The following NFATC1 variants were observed in gnomAD, a reference collection of about 807,000 sequenced individuals.
NFATC1 encodes the protein nuclear factor of activated T cells 1, also known as nuclear factor of activated T-cells, cytoplasmic 1.
NFATC1 carries 22 observed loss-of-function variants against 76.0 expected under a neutral mutation model. The observed-to-expected ratio is 0.29, with a 90% CI of 0.21 to 0.41. The LOEUF is 0.41. NFATC1 is among the 10% of genes least tolerant of loss of function. NFATC1 has a pLI of 1.00. For synonymous variants in NFATC1, 704 were observed against 613.1 expected (o/e 1.15, Z -2.19); for missense variants, 1,357 against 1,337.7 (o/e 1.01, Z -0.23).
intron 9 of NFATC1, among the ~76,000 whole-genome samples, chr18:79,488,205 A>G (rs1329428313): frequency 6.6e-6 from 1 of 151,386 alleles, no homozygotes; most frequent in Non-Finnish European, 1.5e-5. Flanking sequence ...ATGCATGCAA[A>G]TATTTTAGCC....
intron 8 of NFATC1, chr18:79,470,948 A>T (rs2088762254): frequency 6.6e-6 from 1 of 152,224 alleles, no homozygotes; most frequent in African/African-American, 2.4e-5. Flanking sequence ...AGAAGTTCCC[A>T]GCAGAATGTA....
chr18:79,454,168 T>C (rs1003408231), intron 6 of NFATC1, among the ~76,000 whole-genome samples: 2 of 152,136 alleles, frequency 1.3e-5, no homozygotes, highest in Non-Finnish European at 2.9e-5. Context: ...TGAAGTGGCT[T>C]CTCCAGGAAG....
chr18:79,507,368 G>A (rs983158593), intron 9 of NFATC1, among the ~76,000 whole-genome samples: 2 of 152,260 alleles, frequency 1.3e-5, no homozygotes, highest in African/African-American at 2.4e-5. Flanking sequence ...GGGGCCGGTG[G>A]AGCCATGCGA....
intron 3 of NFATC1, among the ~76,000 whole-genome samples, chr18:79,447,853 G>A (rs986499919): frequency 1.3e-5 from 2 of 152,242 alleles, no homozygotes; most frequent in Non-Finnish European, 2.9e-5. Context: ...GCGGAACCAC[G>A]CGTGGTGCAG....
chr18:79,401,211 C>G (rs911003040), intron 1 of NFATC1, among the ~76,000 whole-genome samples: 4 of 150,968 alleles, frequency 2.6e-5, no homozygotes, highest in African/African-American at 9.7e-5. Context: ...CCAGGCTGGT[C>G]ACCGTCCGCC....
chr18:79,399,065 T>C (rs1444175511), intron 1 of NFATC1, among the ~76,000 whole-genome samples: 1 of 152,264 alleles, frequency 6.6e-6, no homozygotes, highest in Non-Finnish European at 1.5e-5. Flanking sequence ...AGACTCCGTC[T>C]CAAACAAACA....
rs368951322 is a variant in NFATC1, at chr18:79,486,339, A to G, written c.2184A>G (p.Pro728=). Residue 728 remains proline, a synonymous_variant, in exon 9 of 10, where the codon CCA becomes CCG. Coordinates refer to ENST00000427363, the MANE Select transcript of NFATC1 (RefSeq NM_001278669.2). ...AGGGGTTAAGTCCTCTCCCAAGACCATACTACAGCCAGCAGCTCGCGATGC... is the reference window on the plus strand; with the variant it reads ...AGGGGTTAAGTCCTCTCCCAAGACCGTACTACAGCCAGCAGCTCGCGATGC... ...VSQGLSPLPR[P]YYSQQLAMPP... The G allele has an allele frequency of 6.2e-7, 1 of 1,612,976 alleles. No individual in the cohort carries two copies. The highest frequency in any genetic ancestry group is 8.5e-7 in the Non-Finnish European group (1 of 1,180,002).
At chr18:79,472,626 G>A (rs1007350897) in intron 8 of NFATC1, among the ~76,000 whole-genome samples, 1 of 152,166 alleles carries the variant, frequency 6.6e-6, no homozygotes, top group African/African-American at 2.4e-5. Flanking sequence ...AACACCTGTG[G>A]CCTCTTCCCC....
chr18:79,454,952 T>G (rs2144807313), intron 6 of NFATC1, among the ~76,000 whole-genome samples: 1 of 151,712 alleles, frequency 6.6e-6, no homozygotes, highest in South Asian at 2.1e-4. Context: ...GAGGCACCTC[T>G]CTGTACACGC....
intron 1 of NFATC1, among the ~76,000 whole-genome samples, chr18:79,408,227 C>T (rs745635411): frequency 2.6e-5 from 4 of 152,106 alleles, no homozygotes; most frequent in African/African-American, 7.2e-5. Context: ...CACGACTTAG[C>T]GGAAAGACAG....
chr18:79,472,758 T>C (rs2088837541), intron 8 of NFATC1, among the ~76,000 whole-genome samples: 1 of 152,174 alleles, frequency 6.6e-6, no homozygotes, highest in African/African-American at 2.4e-5. Flanking sequence ...TTCCCTCATC[T>C]GATCCTGCCA....
At position 79,396,289 on chromosome 18, in the gene NFATC1, G is replaced by A; in HGVS notation, c.65G>A (p.Gly22Glu). Residue 22 changes from glycine to glutamate, a missense_variant, in exon 1 of 10, where the codon GGG (glycine) becomes GAG (glutamate). By Grantham distance (98) the Gly-to-Glu change is moderately conservative. Coordinates refer to ENST00000427363, the MANE Select transcript of NFATC1 (RefSeq NM_001278669.2). The part of the protein sequence containing the change: ...FPLGPAAAVF[G>E]RGETLGPAPR... ...CTTGGCCCTGCGGCTGCGGTCTTCG[G>A]GAGAGGAGAAACTTTGGGGCCCGCG... is the stretch of plus-strand genomic sequence containing the variant. The A allele has an allele frequency of 1.4e-6, 2 of 1,457,690 alleles. No homozygotes were observed. The highest frequency in any genetic ancestry group is 3.0e-5 in the East Asian group (1 of 32,884). The allele number at this position is 1,457,690 out of a possible 1,614,324, so 90.3% of individuals were successfully genotyped here.
At chr18:79,405,160 CA>C (rs1413504495) in intron 1 of NFATC1, among the ~76,000 whole-genome samples, 1 of 152,222 alleles carries the variant, frequency 6.6e-6, no homozygotes, top group Non-Finnish European at 1.5e-5. Context: ...CGGTGAGGAT[CA>C]GGGGACTCAA....
chr18:79,411,636 G>A (rs1355959317), intron 2 of NFATC1, 135 bp downstream of exon 2: 6 of 631,772 alleles, frequency 9.5e-6, no homozygotes, highest in Non-Finnish European at 1.3e-5. Context: ...TGGGCAGGTG[G>A]GCTCCTCGTG....
rs142328450 is a variant in NFATC1 at position 79,509,755 on chromosome 18, C to T, written c.2783-17773C>T. Among the ~76,000 whole-genome samples the T allele has an allele frequency of 1.4e-3, 215 of 152,348 alleles. 2 individuals carry two copies. The highest frequency in any genetic ancestry group is 6.8e-3 in the Middle Eastern group (2 of 294). Reference sequence around the variant, plus strand: ...GGAGGCTGTGACAACTGTCAGCTCACGGACCAGGGAGGGAACGCGAAGCTG... The same window carrying T: ...GGAGGCTGTGACAACTGTCAGCTCATGGACCAGGGAGGGAACGCGAAGCTG... On this transcript the variant is annotated intron_variant, in intron 9 of 9. Transcript: ENST00000427363.
At chr18:79,467,000 G>A (rs1221911986) in intron 7 of NFATC1, among the ~76,000 whole-genome samples, 3 of 152,176 alleles carry the variant, frequency 2.0e-5, no homozygotes, top group East Asian at 3.9e-4. Flanking sequence ...AGGTGGCCCC[G>A]GGCAACCTCC....
intron 2 of NFATC1, among the ~76,000 whole-genome samples, chr18:79,429,500 C>T (rs1006987578): frequency 5.3e-5 from 8 of 152,198 alleles, no homozygotes; most frequent in South Asian, 2.1e-4. Flanking sequence ...GTTGCCGTTC[C>T]GGGGGATGGG....
rs555885726 is a variant in NFATC1, at chr18:79,465,250, T to A, written c.1960-2200T>A. On this transcript the variant is annotated intron_variant, in intron 7 of 9. Coordinates refer to ENST00000427363, the MANE Select transcript of NFATC1 (RefSeq NM_001278669.2). The surrounding 1 kb of genome is among the most constrained non-coding windows in gnomAD (Gnocchi z 4.2). ...TGGCAGTGCTCCCACGGAGATAGTA[T>A]TTTTGTCATATAATTTGTCTATTTA... Among the ~76,000 whole-genome samples, 37 of 152,338 alleles carry A rather than the reference T, an allele frequency of 2.4e-4. 2 individuals are homozygous for A. The Middle Eastern group carries it at 0.017, about 70-fold the overall frequency.
rs138537780 is a variant in NFATC1, at chr18:79,444,069, C to T, written c.1387-4713C>T. 7.2e-5 allele frequency among the ~76,000 whole-genome samples: 11 copies of T among 152,290 alleles called. 1 individual carries two copies. The highest frequency in any genetic ancestry group is 1.9e-4 in the African/African-American group (8 of 41,556). ...CCTCTCTCATGCACTCTGGGTCTGT[C>T]AGGAGGCTGGCAACTGTGGCCAAAC... On this transcript the variant is annotated intron_variant, in intron 3 of 9. Transcript: ENST00000427363.
Sources: gnomAD v4.1 joint callset for allele counts (sites outside exome capture counted in the v4.1 genomes callset) on GRCh38, gnomAD v4.1.1 for gene constraint, Gnocchi (gnomAD v3.1) non-coding constraint, MANE v1.5 for transcripts, NCBI Gene and HGNC (gene_info 2026-07-23, HGNC 2026-07-21) for gene names.